PTPRO: variants seen among roughly 807,000 people sequenced by gnomAD.
PTPRO encodes receptor-type tyrosine-protein phosphatase O.
Under a neutral mutation model 145.2 loss-of-function variants are expected in PTPRO, and 62 were observed. That is an observed-to-expected ratio of 0.43 (90% CI 0.35 to 0.53). The LOEUF (loss-of-function observed/expected upper bound fraction) is 0.53. Among genes scored for constraint, PTPRO ranks in the 20% least tolerant of loss-of-function variants. The pLI, the probability that PTPRO is intolerant of heterozygous loss-of-function variation, is 0.01. For missense variants in PTPRO, 1,345 were observed against 1,482.7 expected (o/e 0.91, Z 1.53); for synonymous variants, 565 against 514.7 (o/e 1.10, Z -1.32).
intron 19 of PTPRO, among the ~76,000 whole-genome samples, chr12:15,571,600 T>C (rs1011622649): frequency 6.6e-6 from 1 of 152,226 alleles, no homozygotes; most frequent in Non-Finnish European, 1.5e-5. Flanking sequence ...CTCTTTTTCA[T>C]AGTGAAAAGC....
chr12:15,545,064 C>A (rs937590997), intron 12 of PTPRO, among the ~76,000 whole-genome samples: 1 of 152,114 alleles, frequency 6.6e-6, no homozygotes, highest in Non-Finnish European at 1.5e-5. Context: ...TTTTGACATA[C>A]TTCTTGGTCC....
chr12:15,591,250 A>G (rs1379055022), intron 25 of PTPRO, among the ~76,000 whole-genome samples: 1 of 152,118 alleles, frequency 6.6e-6, no homozygotes, highest in Non-Finnish European at 1.5e-5. Flanking sequence ...GGGCACCTGT[A>G]ATCCCAGCTA....
intron 1 of PTPRO, among the ~76,000 whole-genome samples, chr12:15,375,760 C>CAAA (rs529757376): frequency 0.025 from 2,119 of 84,536 alleles, 70 homozygotes; most frequent in African/African-American, 0.09. Flanking sequence ...TGTCCCCCAC[C>CAAA]AAAAAAAAAA....
At chr12:15,565,027 T>A (rs1943862726) in intron 17 of PTPRO, among the ~76,000 whole-genome samples, 1 of 152,160 alleles carries the variant, frequency 6.6e-6, no homozygotes, top group African/African-American at 2.4e-5. Context: ...AGGTAATAGG[T>A]CCAGTTCTTC....
chr12:15,517,646 T>A (rs149371708), intron 9 of PTPRO, among the ~76,000 whole-genome samples: 37 of 152,242 alleles, frequency 2.4e-4, no homozygotes, highest in Non-Finnish European at 4.9e-4. Context: ...ACACAGCTGT[T>A]CCAAATGGGA....
chr12:15,589,923 C>T (rs575818529), intron 25 of PTPRO, among the ~76,000 whole-genome samples: 34 of 152,130 alleles, frequency 2.2e-4, no homozygotes, highest in Non-Finnish European at 4.6e-4. Flanking sequence ...GACTGTTGAA[C>T]TGGTGAAATT....
chr12:15,419,144 G>A (rs900161973), intron 1 of PTPRO, among the ~76,000 whole-genome samples: 5 of 151,188 alleles, frequency 3.3e-5, no homozygotes, highest in Non-Finnish European at 7.4e-5. Flanking sequence ...GCACAAATCA[G>A]CTACAAATTT....
intron 1 of PTPRO, among the ~76,000 whole-genome samples, chr12:15,455,943 C>T (rs761083677): frequency 1.3e-5 from 2 of 152,156 alleles, no homozygotes; most frequent in African/African-American, 4.8e-5. Context: ...CACCATGGTA[C>T]GTGTATACCT....
chr12:15,515,709 T>A, intron 8 of PTPRO, 91 bp downstream of exon 8: 1 of 1,538,946 alleles, frequency 6.5e-7, no homozygotes, highest in South Asian at 1.1e-5. Context: ...ATTATCATCG[T>A]ATTTGGAAGG....
intron 3 of PTPRO, among the ~76,000 whole-genome samples, chr12:15,497,917 A>C (rs987284162): frequency 1.3e-5 from 2 of 152,166 alleles, no homozygotes; most frequent in African/African-American, 4.8e-5. Flanking sequence ...AGGGGAAGGG[A>C]GAGAAAAGAG....
At chr12:15,483,341 A>G (rs1031681527) in intron 1 of PTPRO, among the ~76,000 whole-genome samples, 15 of 152,264 alleles carry the variant, frequency 9.9e-5, no homozygotes, top group African/African-American at 3.4e-4. Flanking sequence ...TAAAAAGTCC[A>G]TCAACCGCTG....
intron 14 of PTPRO, among the ~76,000 whole-genome samples, chr12:15,550,877 A>T (rs1010820000): frequency 6.6e-6 from 1 of 152,196 alleles, no homozygotes; most frequent in Non-Finnish European, 1.5e-5. Flanking sequence ...GAAGAAGTAG[A>T]CAATGTGTAA....
At chr12:15,577,355 G>A (rs1944209276) in intron 19 of PTPRO, among the ~76,000 whole-genome samples, 1 of 152,156 alleles carries the variant, frequency 6.6e-6, no homozygotes, top group African/African-American at 2.4e-5. Context: ...TGCCACCAAG[G>A]ATCTTCTAGT....
In PTPRO at chr12:15,588,044, T is replaced by C. The variant is rs531250383; in HGVS notation, c.3410+993T>C. ...GCAGATATTGTTGCTGTCAATCCAC[T>C]GTAGGCATTCACAGGTTAAAAGATG... On this transcript the variant is annotated intron_variant, in intron 24 of 26. Transcript: ENST00000281171. 6.6e-5 allele frequency among the ~76,000 whole-genome samples: 10 copies of C among 152,382 alleles called. No individual in the cohort carries two copies. The South Asian group carries it at 1.0e-3, about 16-fold the overall frequency.
chr12:15,526,616 T>C (rs1356003584), intron 12 of PTPRO, among the ~76,000 whole-genome samples: 2 of 152,102 alleles, frequency 1.3e-5, no homozygotes, highest in Non-Finnish European at 2.9e-5. Context: ...AATGCTCTCT[T>C]TAATATCTTA....
chr12:15,358,346 C>T (rs1421223506), intron 1 of PTPRO, among the ~76,000 whole-genome samples: 4 of 151,712 alleles, frequency 2.6e-5, no homozygotes, highest in Non-Finnish European at 4.4e-5. Flanking sequence ...AACTAACCTG[C>T]ACATTGTGCA....
At chr12:15,585,418 C>T (rs11614432) in intron 23 of PTPRO, among the ~76,000 whole-genome samples, 1 of 152,168 alleles carries the variant, frequency 6.6e-6, no homozygotes, top group South Asian at 2.1e-4. Flanking sequence ...TTCTGTGTGT[C>T]TAAGCCAGAG....
At chr12:15,367,665 A>G (rs1196146163) in intron 1 of PTPRO, among the ~76,000 whole-genome samples, 1 of 152,222 alleles carries the variant, frequency 6.6e-6, no homozygotes, top group East Asian at 1.9e-4. Context: ...TTCTCTTGCC[A>G]AGCCTGTTCT....
At chr12:15,446,658 G>A (rs1940910303) in intron 1 of PTPRO, among the ~76,000 whole-genome samples, 1 of 151,738 alleles carries the variant, frequency 6.6e-6, no homozygotes, top group Non-Finnish European at 1.5e-5. Context: ...CATATAGTAA[G>A]CAAGTTACTT....
Sources: allele counts gnomAD v4.1 joint callset (sites outside exome capture counted in the v4.1 genomes callset), GRCh38; gene constraint gnomAD v4.1.1; transcripts MANE v1.5; gene names NCBI Gene and HGNC (gene_info 2026-07-23, HGNC 2026-07-21).